FAM227B: variants seen among roughly 807,000 people sequenced by gnomAD.
FAM227B encodes protein FAM227B.
FAM227B carries 88 observed loss-of-function variants against 73.8 expected under a neutral mutation model. That is an observed-to-expected ratio of 1.19 (90% CI 1.00 to 1.42). FAM227B has a LOEUF of 1.42. FAM227B is among the 40% of genes most tolerant of loss of function. The pLI, the probability that FAM227B is intolerant of heterozygous loss-of-function variation, is 0.00. For missense variants in FAM227B, 632 were observed against 590.9 expected (o/e 1.07, Z -0.72); for synonymous variants, 210 against 190.5 (o/e 1.10, Z -0.84).
intron 11 of FAM227B, among the ~76,000 whole-genome samples, chr15:49,419,696 C>G (rs910835304): frequency 6.6e-6 from 1 of 152,144 alleles, no homozygotes; most frequent in South Asian, 2.1e-4. Flanking sequence ...TCTTCATGCA[C>G]CACAGTCCCT....
intron 11 of FAM227B, among the ~76,000 whole-genome samples, chr15:49,506,365 A>G (rs190385037): frequency 2.0e-5 from 3 of 152,224 alleles, no homozygotes; most frequent in African/African-American, 7.2e-5. Flanking sequence ...CTAAGTTCAT[A>G]GAATGTATAA....
chr15:49,354,465 G>C (rs200897806), intron 13 of FAM227B, among the ~76,000 whole-genome samples: 5 of 151,642 alleles, frequency 3.3e-5, no homozygotes, highest in African/African-American at 9.7e-5. Flanking sequence ...TTCCCTTTCC[G>C]AGTCAAAGAA....
At chr15:49,533,521 G>C (rs2060777446) in intron 10 of FAM227B, among the ~76,000 whole-genome samples, 1 of 151,630 alleles carries the variant, frequency 6.6e-6, no homozygotes, top group African/African-American at 2.4e-5. Context: ...CCTCAGTTCT[G>C]TTAATATTTG....
intron 11 of FAM227B, among the ~76,000 whole-genome samples, chr15:49,432,370 A>T (rs2050693601): frequency 6.6e-6 from 1 of 151,674 alleles, no homozygotes; most frequent in South Asian, 2.1e-4. Flanking sequence ...ATATTAGGTT[A>T]AATAAAATTG....
chr15:49,525,260 A>G (rs374709343), intron 10 of FAM227B, among the ~76,000 whole-genome samples: 15 of 152,154 alleles, frequency 9.9e-5, no homozygotes, highest in East Asian at 3.9e-4. Context: ...GGGATAGTGA[A>G]TAAGTCTCAT....
rs2059852592 is a variant in FAM227B, at chr15:49,522,365, G to A, written c.875-14017C>T. Among the ~76,000 whole-genome samples the A allele has an allele frequency of 1.3e-5, 2 of 152,232 alleles. 1 individual carries two copies. The highest frequency in any genetic ancestry group is 4.1e-4 in the South Asian group (2 of 4,820). On this transcript the variant is annotated intron_variant, in intron 10 of 15. Transcript: ENST00000299338. ...CTTCTTCAGTTGAGAAGGATTCTGT[G>A]CAAAAACTCTGGAAGCAAATAAGAC...
At chr15:49,384,839 C>A (rs2046779373) in intron 11 of FAM227B, among the ~76,000 whole-genome samples, 1 of 151,804 alleles carries the variant, frequency 6.6e-6, no homozygotes, top group African/African-American at 2.4e-5. Flanking sequence ...TTTATATGTT[C>A]TTTATAATTA....
chr15:49,396,136 T>C (rs9302147), intron 11 of FAM227B: 254,320 of 375,854 alleles, frequency 0.68, 87,061 homozygotes, highest in African/African-American at 0.76. Flanking sequence ...TCAGTGGGTG[T>C]GCTCACCGTG....
At chr15:49,404,987 A>G (rs1399541659) in intron 11 of FAM227B, among the ~76,000 whole-genome samples, 1 of 152,090 alleles carries the variant, frequency 6.6e-6, no homozygotes, top group Admixed American at 6.5e-5. Flanking sequence ...TCTGAAAAGG[A>G]TATTATTTCT....
intron 8 of FAM227B, among the ~76,000 whole-genome samples, chr15:49,574,016 T>C (rs533718179): frequency 6.6e-6 from 1 of 152,268 alleles, no homozygotes; most frequent in South Asian, 2.1e-4. Context: ...TTCAACATTA[T>C]AAAATTACTT....
At chr15:49,457,965 G>A (rs536480492) in intron 11 of FAM227B, among the ~76,000 whole-genome samples, 11 of 151,726 alleles carry the variant, frequency 7.2e-5, no homozygotes, top group Non-Finnish European at 1.0e-4. Context: ...TTTATCTTTC[G>A]TTAGGCATCA....
At chr15:49,607,166 T>C (rs2077572808) in intron 3 of FAM227B, among the ~76,000 whole-genome samples, 1 of 152,212 alleles carries the variant, frequency 6.6e-6, no homozygotes, top group Non-Finnish European at 1.5e-5. Context: ...CATTTGTTCA[T>C]TTATTAACTG....
intron 10 of FAM227B, among the ~76,000 whole-genome samples, chr15:49,527,047 TATC>T (rs1429833289): frequency 7.2e-6 from 1 of 138,306 alleles, no homozygotes; most frequent in Non-Finnish European, 1.6e-5. Flanking sequence ...ACAAAACCAG[TATC>T]ACCCAGTACC....
chr15:49,615,082 C>A, intron 2 of FAM227B, 39 bp downstream of exon 2: 2 of 1,582,600 alleles, frequency 1.3e-6, no homozygotes, highest in South Asian at 1.1e-5. Context: ...AGAAATATAA[C>A]CTTTGTAAGT....
intron 5 of FAM227B, among the ~76,000 whole-genome samples, chr15:49,583,719 G>GAATACTAT (rs1420201067): frequency 1.3e-5 from 2 of 150,592 alleles, no homozygotes; most frequent in Non-Finnish European, 2.9e-5. Flanking sequence ...AACCATCGGA[G>GAATACTAT]AATACTATAA....
intron 11 of FAM227B, among the ~76,000 whole-genome samples, chr15:49,419,856 A>C (rs986739874): frequency 6.6e-6 from 1 of 152,044 alleles, no homozygotes; most frequent in Non-Finnish European, 1.5e-5. Context: ...GCTTTAGTGG[A>C]ATTCTTGCAG....
At chr15:49,412,263 A>G (rs746824584) in intron 11 of FAM227B, among the ~76,000 whole-genome samples, 2 of 152,074 alleles carry the variant, frequency 1.3e-5, no homozygotes, top group Non-Finnish European at 2.9e-5. Context: ...TTGCCAAATT[A>G]GCCATTTTTT....
intron 9 of FAM227B, among the ~76,000 whole-genome samples, chr15:49,554,797 T>A (rs1463411408): frequency 6.6e-6 from 1 of 152,198 alleles, no homozygotes; most frequent in Non-Finnish European, 1.5e-5. Context: ...GGTGTTTTTT[T>A]CTGTGTAGAT....
chr15:49,596,205 T>C (rs1271810191), intron 3 of FAM227B, among the ~76,000 whole-genome samples: 1 of 151,986 alleles, frequency 6.6e-6, no homozygotes, highest in Non-Finnish European at 1.5e-5. Context: ...TTTTAAGAGC[T>C]ATGAGGCAAA....
Sources: gnomAD v4.1 joint callset for allele counts (sites outside exome capture counted in the v4.1 genomes callset) on GRCh38, gnomAD v4.1.1 for gene constraint, MANE v1.5 for transcripts, NCBI Gene and HGNC (gene_info 2026-07-23, HGNC 2026-07-21) for gene names.